SOX5: variants seen among roughly 807,000 people sequenced by gnomAD.
The protein encoded by SOX5 is SRY-box transcription factor 5.
Under a neutral mutation model 92.0 loss-of-function variants are expected in SOX5, and 9 were observed. That is an observed-to-expected ratio of 0.10 (90% CI 0.06 to 0.17). The LOEUF (loss-of-function observed/expected upper bound fraction) is 0.17, where lower values mean the gene tolerates loss of function less well. Among genes scored for constraint, SOX5 ranks in the 10% least tolerant of loss-of-function variants. SOX5 has a pLI of 1.00. For synonymous variants in SOX5, 344 were observed against 336.3 expected (o/e 1.02, Z -0.25); for missense variants, 642 against 944.5 (o/e 0.68, Z 4.20).
chr12:24,169,389 G>T (rs1227904387), intron 4 of SOX5, among the ~76,000 whole-genome samples: 1 of 152,172 alleles, frequency 6.6e-6, no homozygotes, highest in Non-Finnish European at 1.5e-5. Flanking sequence ...AGGTCATAAA[G>T]ACTCTGAGCT....
chr12:24,386,544 G>C (rs184520774), intron 1 of SOX5, among the ~76,000 whole-genome samples: 31 of 152,216 alleles, frequency 2.0e-4, no homozygotes, highest in Non-Finnish European at 2.2e-4. Flanking sequence ...ATAAACAACA[G>C]TGAAGAATAA....
chr12:23,563,400 T>C lies in SOX5; in HGVS notation c.1346A>G (p.Tyr449Cys), dbSNP rs1946546111. 2 of 1,613,656 alleles carry C rather than the reference T, an allele frequency of 1.2e-6. No individual in the cohort carries two copies. Among genetic ancestry groups the C allele is most frequent in the Non-Finnish European group, 1.7e-6 (2 of 1,179,656 alleles). The change falls in exon 11 of 15, where the codon TAC becomes TGC. Residue 449 changes from tyrosine to cysteine, a missense_variant. Physicochemically the swap from Tyr to Cys is radical, Grantham distance 194. Around this residue, in one of 8 missense-constraint regions of SOX5, gnomAD observed 324 missense variants for 461.6 expected, o/e 0.70. Transcript: ENST00000451604. ...SPSARVSTIGYLNDHDAVTKA... is the reference protein window; with the variant it reads ...SPSARVSTIGCLNDHDAVTKA... ...GGTGACAGCATCATGGTCATTTAAG[T>C]AACCTGAACATGAGACAGATCAAAG...
chr12:23,910,741 T>C (rs2097342503), intron 1 of SOX5, among the ~76,000 whole-genome samples: 1 of 152,156 alleles, frequency 6.6e-6, no homozygotes, highest in African/African-American at 2.4e-5. Flanking sequence ...TAAGTCTTCT[T>C]CGTACTGTCC....
At chr12:23,930,778 A>T (rs751122417) in intron 1 of SOX5, among the ~76,000 whole-genome samples, 27 of 151,728 alleles carry the variant, frequency 1.8e-4, no homozygotes, top group Non-Finnish European at 3.7e-4. Flanking sequence ...GTAGAACCAG[A>T]CTCATAAACT....
At chr12:24,263,527 C>CAAAAAAAAAAAAAAAAA (rs386375915) in intron 3 of SOX5, among the ~76,000 whole-genome samples, 11 of 63,222 alleles carry the variant, frequency 1.7e-4, no homozygotes, top group Non-Finnish European at 1.9e-4. Flanking sequence ...GACTCCGTCT[C>CAAAAAAAAAAAAAAAAA]AAAAAAAAAA....
intron 1 of SOX5, among the ~76,000 whole-genome samples, chr12:24,556,326 A>T (rs1007430182): frequency 1.3e-5 from 2 of 152,192 alleles, no homozygotes; most frequent in East Asian, 3.8e-4. Flanking sequence ...ATTCTGTTTC[A>T]TTGGGAAGAG....
chr12:23,776,338 C>T (rs1055403045), intron 3 of SOX5, among the ~76,000 whole-genome samples: 2 of 151,998 alleles, frequency 1.3e-5, no homozygotes, highest in Non-Finnish European at 2.9e-5. Context: ...TTAAAAAGGA[C>T]AAAAATAAAC....
chr12:24,237,897 T>C (rs1307891719), intron 3 of SOX5: 8 of 152,178 alleles, frequency 5.3e-5, no homozygotes, highest in Non-Finnish European at 8.8e-5. Context: ...AGGGAAAGAA[T>C]GATTCCATCT....
intron 1 of SOX5, among the ~76,000 whole-genome samples, chr12:23,914,065 A>T (rs1568930312): frequency 6.6e-6 from 1 of 152,204 alleles, no homozygotes. Context: ...AACTTCTGGA[A>T]TAATCTCCAA....
intron 3 of SOX5, among the ~76,000 whole-genome samples, chr12:24,220,527 G>T (rs1960152580): frequency 6.6e-6 from 1 of 151,902 alleles, no homozygotes; most frequent in South Asian, 2.1e-4. Context: ...AATAATAAAA[G>T]GGCTATTAAA....
chr12:23,792,058 G>T (rs896317289), intron 3 of SOX5, among the ~76,000 whole-genome samples: 4 of 152,016 alleles, frequency 2.6e-5, no homozygotes, highest in South Asian at 2.1e-4. Flanking sequence ...TTTTTAAATA[G>T]TATCTAAGTT....
intron 4 of SOX5, among the ~76,000 whole-genome samples, chr12:24,167,425 T>C (rs1206698893): frequency 2.0e-5 from 3 of 152,218 alleles, no homozygotes; most frequent in Non-Finnish European, 4.4e-5. Context: ...TGGAGCAGGT[T>C]GGAAGAGATA....
At chr12:23,669,041 A>G (rs2139518857) in intron 6 of SOX5, among the ~76,000 whole-genome samples, 1 of 34,826 alleles carries the variant, frequency 2.9e-5, no homozygotes, top group African/African-American at 1.1e-4. Flanking sequence ...ATTTCATTAC[A>G]TGTCCCTATT....
chr12:24,296,985 T>C (rs1947343487), intron 2 of SOX5, among the ~76,000 whole-genome samples: 1 of 151,770 alleles, frequency 6.6e-6, no homozygotes, highest in African/African-American at 2.4e-5. Context: ...CTGTAGCTAA[T>C]CCCTAATCTA....
chr12:24,490,727 A>T (rs1191037590), intron 1 of SOX5, among the ~76,000 whole-genome samples: 1 of 152,178 alleles, frequency 6.6e-6, no homozygotes, highest in African/African-American at 2.4e-5. Flanking sequence ...GAAGAGCTCC[A>T]AAATCCATAT....
chr12:24,044,320 A>C (rs1245844730), intron 4 of SOX5, among the ~76,000 whole-genome samples: 1 of 152,200 alleles, frequency 6.6e-6, no homozygotes, highest in Admixed American at 6.5e-5. Context: ...GGTAAGTGTG[A>C]AATAATACAT....
intron 6 of SOX5, among the ~76,000 whole-genome samples, chr12:23,676,125 G>C (rs2085641167): frequency 6.6e-6 from 1 of 152,014 alleles, no homozygotes; most frequent in African/African-American, 2.4e-5. Flanking sequence ...AGTTATATAG[G>C]ATGAACAAAT....
chr12:24,071,582 C>T (rs538222777), intron 4 of SOX5, among the ~76,000 whole-genome samples: 3 of 152,148 alleles, frequency 2.0e-5, no homozygotes, highest in South Asian at 4.1e-4. Flanking sequence ...TACAGGCACC[C>T]GCCACCACGC....
intron 11 of SOX5, among the ~76,000 whole-genome samples, chr12:23,547,841 T>C (rs7963980): frequency 0.41 from 62,311 of 151,912 alleles, 13,213 homozygotes; most frequent in Middle Eastern, 0.51. Flanking sequence ...TCTGACTCGA[T>C]TTGTTTTGTG....
Sources: gnomAD v4.1 joint callset for allele counts (sites outside exome capture counted in the v4.1 genomes callset) on GRCh38, gnomAD v4.1.1 for gene constraint, gnomAD v4.1.1 regional missense constraint, MANE v1.5 for transcripts, NCBI Gene and HGNC (gene_info 2026-07-23, HGNC 2026-07-21) for gene names.